TENM2: variants seen among roughly 807,000 people sequenced by gnomAD.
TENM2 encodes the protein teneurin transmembrane protein 2, also known as teneurin-2.
TENM2 carries 52 observed loss-of-function variants against 245.2 expected under a neutral mutation model. That is an observed-to-expected ratio of 0.21 (90% CI 0.17 to 0.27). The LOEUF is 0.27. Ranked by LOEUF, TENM2 falls within the 10% of genes least tolerant of loss-of-function variation. The pLI is 1.00. For synonymous variants in TENM2, 1,363 were observed against 1,438.9 expected (o/e 0.95, Z 1.19); for missense variants, 3,046 against 3,666.8 (o/e 0.83, Z 4.37).
chr5:168,207,344 G>A (rs1430983396), intron 19 of TENM2, among the ~76,000 whole-genome samples: 1 of 152,160 alleles, frequency 6.6e-6, no homozygotes, highest in Middle Eastern at 3.2e-3. Flanking sequence ...GAGTTGTGGA[G>A]GCCACAACGT....
chr5:168,050,048 C>G (rs1433203386), intron 6 of TENM2, among the ~76,000 whole-genome samples: 1 of 152,162 alleles, frequency 6.6e-6, no homozygotes, highest in African/African-American at 2.4e-5. Context: ...GGCAATCCTC[C>G]CATCTCGGCC....
chr5:167,034,494 G>A, the TENM2 span, among the ~76,000 whole-genome samples: 1 of 151,836 alleles, frequency 6.6e-6, no homozygotes, highest in African/African-American at 2.4e-5. Context: ...GCCGGGCGTG[G>A]TGGCGGGCGC....
the TENM2 span, among the ~76,000 whole-genome samples, chr5:167,243,271 A>G: frequency 2.6e-5 from 4 of 152,200 alleles, no homozygotes; most frequent in Non-Finnish European, 4.4e-5. Flanking sequence ...AATTACATCT[A>G]TACTCTTTTG....
chr5:166,999,992 G>C, the TENM2 span, among the ~76,000 whole-genome samples: 5 of 152,124 alleles, frequency 3.3e-5, no homozygotes, highest in Non-Finnish European at 5.9e-5. Context: ...GGAGACCCCT[G>C]TAAGAGGAAT....
intron 2 of TENM2, among the ~76,000 whole-genome samples, chr5:167,765,206 T>TA (rs1762931196): frequency 6.6e-6 from 1 of 152,144 alleles, no homozygotes; most frequent in Non-Finnish European, 1.5e-5. Context: ...TACCTTAAAA[T>TA]ATGCAGATGG....
chr5:168,107,162 A>G (rs191855518), intron 9 of TENM2, among the ~76,000 whole-genome samples: 2 of 152,106 alleles, frequency 1.3e-5, no homozygotes, highest in East Asian at 3.9e-4. Context: ...TCTTCCCACC[A>G]CCTGCCAACT....
At chr5:167,310,390 A>G (rs560134041) in intron 1 of TENM2, among the ~76,000 whole-genome samples, 1 of 152,302 alleles carries the variant, frequency 6.6e-6, no homozygotes, top group East Asian at 1.9e-4. Context: ...GAGCGTTTAC[A>G]AACATTTGTA....
intron 2 of TENM2, among the ~76,000 whole-genome samples, chr5:167,841,201 C>T (rs936400538): frequency 3.9e-5 from 6 of 152,082 alleles, no homozygotes; most frequent in African/African-American, 9.6e-5. Context: ...GGATTACAGG[C>T]GCCCACCACC....
chr5:167,889,736 T>TAAAGATGA (rs1317957774), intron 3 of TENM2, among the ~76,000 whole-genome samples: 4 of 152,146 alleles, frequency 2.6e-5, no homozygotes, highest in Admixed American at 6.5e-5. Context: ...AATTTGCTTT[T>TAAAGATGA]AAAGATGAAA....
chr5:167,427,636 AG>A (rs1763927095), intron 2 of TENM2, among the ~76,000 whole-genome samples: 1 of 70,810 alleles, frequency 1.4e-5, no homozygotes, highest in Non-Finnish European at 2.6e-5. Context: ...AAGGACGGAA[AG>A]GAAGGGAAGG....
At chr5:168,100,924 TAA>T (rs11307488) in intron 9 of TENM2, among the ~76,000 whole-genome samples, 223 of 138,432 alleles carry the variant, frequency 1.6e-3, no homozygotes, top group Middle Eastern at 3.8e-3. Flanking sequence ...CAAGTATAAT[TAA>T]AAAAAAAAAA....
chr5:167,159,812 A>T, the TENM2 span, among the ~76,000 whole-genome samples: 1 of 152,146 alleles, frequency 6.6e-6, no homozygotes, highest in African/African-American at 2.4e-5. Context: ...TGGAATATGG[A>T]ATTCATACAG....
chr5:168,020,625 G>A (rs1451479218), intron 5 of TENM2, among the ~76,000 whole-genome samples: 1 of 152,158 alleles, frequency 6.6e-6, no homozygotes, highest in Non-Finnish European at 1.5e-5. Context: ...ACCTTGGGGA[G>A]TGTCTTTCAG....
chr5:167,152,556 G>T, the TENM2 span, among the ~76,000 whole-genome samples: 4 of 152,188 alleles, frequency 2.6e-5, no homozygotes, highest in African/African-American at 9.6e-5. Context: ...TGTAGTCCAG[G>T]ATAAATAGAT....
intron 2 of TENM2, among the ~76,000 whole-genome samples, chr5:167,445,333 A>AGGGAGAGAGAGAGG: frequency 1.3e-5 from 1 of 76,032 alleles, no homozygotes; most frequent in African/African-American, 6.0e-5. Flanking sequence ...ATATATATAT[A>AGGGAGAGAGAGAGG]TATAGAGAGA....
At chr5:168,102,235 G>A (rs1053075097) in intron 9 of TENM2, among the ~76,000 whole-genome samples, 4 of 152,010 alleles carry the variant, frequency 2.6e-5, no homozygotes, top group African/African-American at 7.3e-5. Flanking sequence ...CACCATGAAT[G>A]GCTAATTTTG....
At chr5:167,635,208 C>G (rs914737500) in intron 2 of TENM2, among the ~76,000 whole-genome samples, 2 of 152,072 alleles carry the variant, frequency 1.3e-5, no homozygotes, top group Admixed American at 6.5e-5. Context: ...AATAAGTATA[C>G]AGATAATGTG....
intron 2 of TENM2, among the ~76,000 whole-genome samples, chr5:167,416,246 A>T (rs368738925): frequency 9.9e-5 from 15 of 152,272 alleles, no homozygotes; most frequent in African/African-American, 3.1e-4. Context: ...CTTTAAATAG[A>T]TTTATATGAT....
At chr5:167,078,382 C>T in the TENM2 span, among the ~76,000 whole-genome samples, 12 of 152,018 alleles carry the variant, frequency 7.9e-5, no homozygotes, top group African/African-American at 2.9e-4. Flanking sequence ...ATTTGGGAGG[C>T]TGAAGGAGGA....
Sources: gnomAD v4.1 joint callset for allele counts (sites outside exome capture counted in the v4.1 genomes callset) on GRCh38, gnomAD v4.1.1 for gene constraint, MANE v1.5 for transcripts, NCBI Gene and HGNC (gene_info 2026-07-23, HGNC 2026-07-21) for gene names.